The following ABHD5 variants were observed in gnomAD, a reference collection of about 807,000 sequenced individuals.
ABHD5 encodes the protein abhydrolase domain containing 5, lysophosphatidic acid acyltransferase, also known as 1-acylglycerol-3-phosphate O-acyltransferase ABHD5.
Under a neutral mutation model 44.9 loss-of-function variants are expected in ABHD5, and 30 were observed. The observed-to-expected ratio is 0.67, with a 90% CI of 0.50 to 0.91. ABHD5 has a LOEUF of 0.91. ABHD5 is among the 40% of genes least tolerant of loss of function. The pLI is 0.00. For missense variants in ABHD5, 399 were observed against 423.4 expected (o/e 0.94, Z 0.50); for synonymous variants, 167 against 147.0 (o/e 1.14, Z -0.99).
intron 3 of ABHD5, among the ~76,000 whole-genome samples, chr3:43,704,033 C>CTTTTTTTT (rs10544525): frequency 4.6e-3 from 390 of 84,382 alleles, no homozygotes; most frequent in Middle Eastern, 8.8e-3. Context: ...TCTTTATTTT[C>CTTTTTTTT]TTTTTTTTTT....
rs543666821 is a variant in ABHD5 at position 43,701,666 on chromosome 3, A to T, written c.134-549A>T. 3.9e-5 allele frequency among the ~76,000 whole-genome samples: 6 copies of T among 152,310 alleles called. No individual in the cohort carries two copies. The South Asian group carries it at 1.2e-3, about 32-fold the overall frequency. On this transcript the variant is annotated intron_variant, in intron 2 of 6. Transcript: ENST00000644371. ...GAGGAGTTCCTACAATACTTTGTCA[A>T]CCTTTTTTTGAAATGACTTAAGGTT...
At chr3:43,714,197 C>T (rs1320510733) in intron 4 of ABHD5, among the ~76,000 whole-genome samples, 3 of 148,516 alleles carry the variant, frequency 2.0e-5, no homozygotes, top group East Asian at 2.0e-4. Flanking sequence ...TGCAGTGGCG[C>T]GATCTTGGCT....
At chr3:43,733,617 C>T (rs1472008588) in intron 7 of ABHD5, among the ~76,000 whole-genome samples, 1 of 152,218 alleles carries the variant, frequency 6.6e-6, no homozygotes, top group African/African-American at 2.4e-5. Context: ...GGATTGTTGT[C>T]ATAGTCCTGC....
rs778521688 is a variant in ABHD5 at position 43,717,752 on chromosome 3, C to T, written c.855C>T (p.His285=). The part of the protein sequence containing the change: ...RPMLQRIGKM[H]PDIPVSVIFG... ...TGCTCCAGCGAATTGGTAAAATGCA[C>T]CCTGACATTCCAGTTTCAGTGATCT... The change falls in exon 6 of 7, where the codon CAC becomes CAT. Residue 285 remains histidine, a synonymous_variant. Coordinates refer to ENST00000644371, the MANE Select transcript of ABHD5 (RefSeq NM_016006.6). The T allele has an allele frequency of 3.2e-5, 51 of 1,614,074 alleles. No individual in the cohort carries two copies. The highest frequency in any genetic ancestry group is 4.0e-5 in the African/African-American group (3 of 74,926).
chr3:43,728,055 C>G (rs1053791690), intron 7 of ABHD5, among the ~76,000 whole-genome samples: 4 of 152,186 alleles, frequency 2.6e-5, no homozygotes, highest in Non-Finnish European at 5.9e-5. Flanking sequence ...CTTTCGCTGA[C>G]CTCACCGGCC....
At chr3:43,697,292 G>T (rs74913473) in intron 1 of ABHD5, among the ~76,000 whole-genome samples, 3,223 of 152,128 alleles carry the variant, frequency 0.021, 54 homozygotes, top group South Asian at 0.092. Flanking sequence ...GCCCCAGTTT[G>T]TCTGTGATAT....
intron 7 of ABHD5, among the ~76,000 whole-genome samples, chr3:43,732,619 TTTTTAAAAATTAA>T (rs2149614048): frequency 6.6e-6 from 1 of 152,366 alleles, no homozygotes; most frequent in African/African-American, 2.4e-5. Context: ...ACTAATTGTA[TTTTTAAAAATTAA>T]TTTTAAATAT....
chr3:43,695,136 C>T (rs954896123), intron 1 of ABHD5: 1 of 152,228 alleles, frequency 6.6e-6, no homozygotes, highest in South Asian at 2.1e-4. Context: ...AGCAATCCTC[C>T]CACCTCAGCC....
intron 7 of ABHD5, among the ~76,000 whole-genome samples, chr3:43,730,875 C>G (rs71616101): frequency 0.022 from 3,396 of 151,844 alleles, 59 homozygotes; most frequent in Non-Finnish European, 0.034. Flanking sequence ...GTTGCCCAGG[C>G]TGGAGTGCAG....
At chr3:43,725,307 A>G (rs1467002530), downstream of ABHD5, among the ~76,000 whole-genome samples, 1 of 152,176 alleles carries the variant, frequency 6.6e-6, no homozygotes, top group Non-Finnish European at 1.5e-5. Flanking sequence ...GCACCATTAT[A>G]TCTCTCCTGC....
intron 3 of ABHD5, among the ~76,000 whole-genome samples, chr3:43,707,173 T>A (rs183825016): frequency 6.6e-6 from 1 of 152,168 alleles, no homozygotes; most frequent in Non-Finnish European, 1.5e-5. Context: ...AAAAAAACTA[T>A]CTGTATTTTA....
Position 43,722,645 on chromosome 3 carries a change from G to C in ABHD5, c.*4113G>C, listed in dbSNP as rs1210388540. 1 of 152,168 alleles carries C rather than the reference G, an allele frequency of 6.6e-6. No individual in the cohort carries two copies. The highest frequency in any genetic ancestry group is 2.4e-5 in the African/African-American group (1 of 41,430). 9.4% of individuals were successfully genotyped at this position (152,168 alleles called of 1,614,324 possible). On this transcript the variant is annotated 3_prime_UTR_variant, in exon 7 of 7. Coordinates refer to ENST00000644371, the MANE Select transcript of ABHD5 (RefSeq NM_016006.6). ...ACAGAAGACTTACTTCAAGTGACTT[G>C]AAAACTTAGTATTTTGTCTGTACTT...
downstream of ABHD5, among the ~76,000 whole-genome samples, chr3:43,724,546 ACAAAT>A (rs1300570306): frequency 8.5e-5 from 13 of 152,322 alleles, no homozygotes; most frequent in Admixed American, 2.6e-4. Context: ...ATTAGAAGTC[ACAAAT>A]CAAACACATA....
chr3:43,708,126 CTAACAT>C (rs2084645444), intron 3 of ABHD5, among the ~76,000 whole-genome samples: 1 of 152,236 alleles, frequency 6.6e-6, no homozygotes, highest in Admixed American at 6.5e-5. Context: ...ATTCTAATGA[CTAACAT>C]TAAGAAGAAT....
At chr3:43,724,683 T>A (rs2084866610), downstream of ABHD5, among the ~76,000 whole-genome samples, 1 of 152,130 alleles carries the variant, frequency 6.6e-6, no homozygotes, top group African/African-American at 2.4e-5. Flanking sequence ...AAAACAAAAC[T>A]ACCAAAATGC....
At chr3:43,732,456 A>G (rs949282766) in intron 7 of ABHD5, among the ~76,000 whole-genome samples, 3 of 152,140 alleles carry the variant, frequency 2.0e-5, no homozygotes, top group Admixed American at 1.3e-4. Flanking sequence ...CAAACAGAAT[A>G]GAGGGGAGAT....
chr3:43,717,177 A>T (rs923274380), intron 5 of ABHD5, among the ~76,000 whole-genome samples: 11 of 147,654 alleles, frequency 7.4e-5, no homozygotes, highest in African/African-American at 2.9e-4. Context: ...TCCATCTCAA[A>T]AAAAACAAAA....
At position 43,702,305 on chromosome 3, in the gene ABHD5, A is replaced by G. The variant is rs1260968688; in HGVS notation, c.224A>G (p.Lys75Arg). The change falls in exon 3 of 7, where the codon AAG (lysine) becomes AGG (arginine). Residue 75 changes from lysine to arginine, a missense_variant. Lys to Arg is a conservative substitution (Grantham distance 26). Coordinates refer to ENST00000644371, the MANE Select transcript of ABHD5 (RefSeq NM_016006.6). ...TLKFSHNISN[K>R]TPLVLLHGFG... ...AAGTTCTCTCATAATATTTCAAATA[A>G]GACTCCACTTGTCCTTCTCCATGGT... 1.2e-6 allele frequency: 2 copies of G among 1,607,728 alleles called. No individual in the cohort carries two copies. The highest frequency in any genetic ancestry group is 1.7e-5 in the Admixed American group (1 of 59,576).
chr3:43,728,130 C>T (rs564584944), intron 7 of ABHD5, among the ~76,000 whole-genome samples: 5 of 152,174 alleles, frequency 3.3e-5, no homozygotes, highest in Non-Finnish European at 7.3e-5. Context: ...CCTGAGGACT[C>T]GGTCCTCTCT....
Sources: gnomAD v4.1 joint callset for allele counts (sites outside exome capture counted in the v4.1 genomes callset) on GRCh38, gnomAD v4.1.1 for gene constraint, MANE v1.5 for transcripts, NCBI Gene and HGNC (gene_info 2026-07-23, HGNC 2026-07-21) for gene names.